Variants in NEXN observed in about 807,000 individuals in gnomAD.
NEXN encodes the protein nexilin.
In NEXN, 65 loss-of-function variants were observed where a neutral mutation model predicts 92.6. The ratio of observed to expected loss-of-function variants is 0.70; its 90% confidence interval spans 0.57 to 0.86. The LOEUF is 0.86. Among genes scored for constraint, NEXN ranks in the 40% least tolerant of loss-of-function variants. The probability of loss-of-function intolerance (pLI) is 0.00; values close to 1 mark genes in which losing one functional copy is unlikely to be tolerated. For missense variants in NEXN, 778 were observed against 771.1 expected (o/e 1.01, Z -0.11); for synonymous variants, 254 against 242.5 (o/e 1.05, Z -0.44).
chr1:77,942,936 C>T lies in NEXN; in HGVS notation c.*107C>T, dbSNP rs1440775335. The T allele has an allele frequency of 2.8e-6, 4 of 1,429,466 alleles. No homozygotes were observed. The highest frequency in any genetic ancestry group is 4.0e-5 in the Admixed American group (2 of 50,440). The allele number at this position is 1,429,466 out of a possible 1,614,324, so 88.5% of individuals were successfully genotyped here. Reference sequence around the variant, plus strand: ...TAGCTCCCCTCCCCTCTCCCTGGAACTTTCTCTTTCACTCCAACTTTCTTA... The same window carrying T: ...TAGCTCCCCTCCCCTCTCCCTGGAATTTTCTCTTTCACTCCAACTTTCTTA... On this transcript the variant is annotated 3_prime_UTR_variant, in exon 13 of 13. Transcript: ENST00000334785.
chr1:77,930,739 T>TTAG (rs1650221133), intron 9 of NEXN, among the ~76,000 whole-genome samples: 2 of 152,208 alleles, frequency 1.3e-5, no homozygotes, highest in Admixed American at 6.5e-5. Flanking sequence ...TGTCCCTCAC[T>TTAG]CCTTTCCCTA....
chr1:77,941,025 G>A (rs1450192901), intron 11 of NEXN, among the ~76,000 whole-genome samples: 1 of 152,154 alleles, frequency 6.6e-6, no homozygotes, highest in African/African-American at 2.4e-5. Context: ...TCGGAAATGA[G>A]GTAGGTACAA....
chr1:77,933,813 G>A (rs1650509196), intron 10 of NEXN, among the ~76,000 whole-genome samples: 1 of 152,074 alleles, frequency 6.6e-6, no homozygotes, highest in South Asian at 2.1e-4. Flanking sequence ...CATGCACCTT[G>A]TGCACTCACA....
At chr1:77,937,276 C>T (rs1650847165) in intron 11 of NEXN, among the ~76,000 whole-genome samples, 1 of 152,054 alleles carries the variant, frequency 6.6e-6, no homozygotes, top group Non-Finnish European at 1.5e-5. Flanking sequence ...TGCACTCCAG[C>T]CTGGGGGTCA....
At chr1:77,899,658 T>A (rs1198566239) in intron 1 of NEXN, among the ~76,000 whole-genome samples, 3 of 150,620 alleles carry the variant, frequency 2.0e-5, no homozygotes, top group Admixed American at 6.6e-5. Flanking sequence ...ATAATAATAA[T>A]AAAATAAAAA....
intron 1 of NEXN, among the ~76,000 whole-genome samples, chr1:77,907,246 C>T (rs1648184939): frequency 1.3e-5 from 2 of 152,184 alleles, no homozygotes; most frequent in African/African-American, 4.8e-5. Context: ...CTTGTGTTAA[C>T]ACAGATAGGT....
At chr1:77,923,242 G>A (rs986840426) in intron 5 of NEXN, among the ~76,000 whole-genome samples, 1 of 148,088 alleles carries the variant, frequency 6.8e-6, no homozygotes, top group Non-Finnish European at 1.5e-5. Context: ...CAATCGGCCT[G>A]CCTCAGCCTC....
In NEXN at chr1:77,933,312, A is replaced by C. The variant is rs779386334; in HGVS notation, c.1084A>C (p.Lys362Gln). The change falls in exon 10 of 13, where the codon AAG (lysine) becomes CAG (glutamine). Residue 362 changes from lysine to glutamine, a missense_variant. Transcript: ENST00000334785. ...AGATGATGACTCCCCAGAGATGTAT[A>C]AGACAATCTCTCAAGAATTTCTTAC... ...VVDDDSPEMYKTISQEFLTPG... is the reference protein window; with the variant it reads ...VVDDDSPEMYQTISQEFLTPG... 5.0e-6 allele frequency: 8 copies of C among 1,604,824 alleles called. No individual in the cohort carries two copies. Among genetic ancestry groups the C allele is most frequent in the Non-Finnish European group, 6.8e-6 (8 of 1,172,814 alleles).
chr1:77,910,776 TAA>T, intron 1 of NEXN, among the ~76,000 whole-genome samples: 1 of 142,398 alleles, frequency 7.0e-6, no homozygotes, highest in South Asian at 2.3e-4. Flanking sequence ...AAAAAACTAA[TAA>T]GTTATTTTAG....
chr1:77,889,910 A>G (rs1212582737), intron 1 of NEXN, among the ~76,000 whole-genome samples: 1 of 152,238 alleles, frequency 6.6e-6, no homozygotes, highest in African/African-American at 2.4e-5. Context: ...ATTTATACTT[A>G]AGTTCATATC....
At position 77,942,450 on chromosome 1, in the gene NEXN, T is replaced by C. The variant is rs759212294; in HGVS notation, c.1660-11T>C. On this transcript the variant is annotated splice_polypyrimidine_tract_variant and intron_variant, in intron 12 of 12. Transcript: ENST00000334785. ...ATAAATGCCAACCTGAATGCATTTA[T>C]TTTAATACAGAAAAGAGAAGAGGAG... 1 of 1,612,478 alleles carries C rather than the reference T, an allele frequency of 6.2e-7. No individual in the cohort carries two copies. The highest frequency in any genetic ancestry group is 8.5e-7 in the Non-Finnish European group (1 of 1,178,908).
intron 1 of NEXN, among the ~76,000 whole-genome samples, chr1:77,905,444 A>G (rs950944978): frequency 6.6e-6 from 1 of 152,086 alleles, no homozygotes; most frequent in Non-Finnish European, 1.5e-5. Flanking sequence ...TAATCCCAGC[A>G]CTTTGGGAGG....
intron 1 of NEXN, among the ~76,000 whole-genome samples, chr1:77,899,605 A>G (rs1344775437): frequency 6.6e-6 from 1 of 152,110 alleles, no homozygotes; most frequent in Non-Finnish European, 1.5e-5. Context: ...ACATGTATAC[A>G]TATGTAACAA....
At chr1:77,923,421 C>CA (rs1649597061) in intron 5 of NEXN, among the ~76,000 whole-genome samples, 1 of 152,066 alleles carries the variant, frequency 6.6e-6, no homozygotes, top group Non-Finnish European at 1.5e-5. Flanking sequence ...CCTTACACTG[C>CA]ATGAGGAGTT....
intron 1 of NEXN, 55 bp from the exon 2 acceptor site, chr1:77,916,000 A>G (rs1391199032): frequency 1.1e-5 from 6 of 555,776 alleles, no homozygotes; most frequent in African/African-American, 1.0e-4. Context: ...TTATAAAAAT[A>G]CATAATATAT....
chr1:77,922,631 T>C (rs1258727877), intron 5 of NEXN, among the ~76,000 whole-genome samples: 1 of 151,196 alleles, frequency 6.6e-6, no homozygotes, highest in Non-Finnish European at 1.5e-5. Flanking sequence ...GGAGTCTCGC[T>C]CTGTTGCCCA....
intron 1 of NEXN, among the ~76,000 whole-genome samples, chr1:77,894,581 C>T (rs553115429): frequency 1.3e-5 from 2 of 152,184 alleles, no homozygotes; most frequent in South Asian, 2.1e-4. Flanking sequence ...GCTGGGACTA[C>T]ATGTGTGCAC....
chr1:77,934,307 G>A (rs4341404), intron 10 of NEXN, among the ~76,000 whole-genome samples: 107,481 of 151,942 alleles, frequency 0.71, 39,389 homozygotes, highest in Non-Finnish European at 0.82. Flanking sequence ...CACCGCACCC[G>A]GCCTTTTTGT....
intron 1 of NEXN, among the ~76,000 whole-genome samples, chr1:77,890,012 C>A (rs1647069663): frequency 6.6e-6 from 1 of 152,142 alleles, no homozygotes; most frequent in African/African-American, 2.4e-5. Flanking sequence ...GGTTAAACTG[C>A]TGCAGTTAGA....
Sources: allele counts gnomAD v4.1 joint callset (sites outside exome capture counted in the v4.1 genomes callset), GRCh38; gene constraint gnomAD v4.1.1; transcripts MANE v1.5; gene names NCBI Gene and HGNC (gene_info 2026-07-23, HGNC 2026-07-21).